Variants in CNTNAP5 observed in about 807,000 individuals in gnomAD.
The protein encoded by CNTNAP5 is contactin-associated protein-like 5.
CNTNAP5 carries 72 observed loss-of-function variants against 150.2 expected under a neutral mutation model. The ratio of observed to expected loss-of-function variants is 0.48; its 90% CI spans 0.40 to 0.58. The LOEUF is 0.58. CNTNAP5 is among the 20% of genes least tolerant of loss of function. CNTNAP5 has a pLI of 0.00. For synonymous variants in CNTNAP5, 672 were observed against 619.8 expected, an observed-to-expected ratio of 1.08 and a Z score of -1.25; for missense variants, 1,636 against 1,626.2, an observed-to-expected ratio of 1.01 and a Z score of -0.10.
At chr2:124,827,083 C>T (rs1682611464) in intron 19 of CNTNAP5, among the ~76,000 whole-genome samples, 1 of 152,020 alleles carries the variant, frequency 6.6e-6, no homozygotes, top group South Asian at 2.1e-4. Context: ...ACCACACCCA[C>T]CTAATATTTT....
chr2:124,891,466 C>T (rs925194836), intron 21 of CNTNAP5, among the ~76,000 whole-genome samples: 1 of 152,028 alleles, frequency 6.6e-6, no homozygotes, highest in Non-Finnish European at 1.5e-5. Context: ...GGCGTGATGA[C>T]GATGATGATT....
chr2:124,470,267 C>T (rs957424551), intron 6 of CNTNAP5, among the ~76,000 whole-genome samples: 12 of 152,152 alleles, frequency 7.9e-5, no homozygotes, highest in African/African-American at 2.9e-4. Flanking sequence ...GCCATTCTGA[C>T]TGGTGTGAGA....
chr2:124,462,601 G>T lies in CNTNAP5; in HGVS notation c.919-12138G>T, dbSNP rs1693279697. ...GGGATGCTAGTAGGTTTTAATTAGT[G>T]TGCTACTTCTAGTGGAAGTGGCCAA... On this transcript the variant is annotated intron_variant, in intron 6 of 23. Coordinates refer to ENST00000682447, the MANE Select transcript of CNTNAP5 (RefSeq NM_001367498.1). Among the ~76,000 whole-genome samples the T allele has an allele frequency of 2.6e-5, 4 of 152,262 alleles. No homozygotes were observed. In the South Asian group the frequency reaches 8.3e-4, roughly 32 times the overall value.
At chr2:124,163,469 G>C (rs762288353) in intron 1 of CNTNAP5, among the ~76,000 whole-genome samples, 7 of 152,138 alleles carry the variant, frequency 4.6e-5, no homozygotes, top group African/African-American at 1.4e-4. Context: ...GAGGAGTCAG[G>C]CATGGGGGTG....
chr2:124,767,722 G>A (rs1341202880), intron 16 of CNTNAP5, among the ~76,000 whole-genome samples: 1 of 152,178 alleles, frequency 6.6e-6, no homozygotes, highest in Non-Finnish European at 1.5e-5. Context: ...CACAAGAATG[G>A]GAATTCACTG....
intron 13 of CNTNAP5, among the ~76,000 whole-genome samples, chr2:124,666,437 T>C (rs1407946791): frequency 6.6e-6 from 1 of 152,162 alleles, no homozygotes; most frequent in Non-Finnish European, 1.5e-5. Flanking sequence ...GTCTTATTTA[T>C]TAGTATCTTA....
At chr2:124,343,675 A>G (rs1689670653) in intron 3 of CNTNAP5, among the ~76,000 whole-genome samples, 1 of 152,208 alleles carries the variant, frequency 6.6e-6, no homozygotes, top group South Asian at 2.1e-4. Context: ...TAAGTAATCA[A>G]AAGACCTAAC....
chr2:124,519,367 C>G (rs1694803665), intron 8 of CNTNAP5, among the ~76,000 whole-genome samples: 1 of 151,900 alleles, frequency 6.6e-6, no homozygotes, highest in African/African-American at 2.4e-5. Context: ...AATCTGTTAC[C>G]AAAAAATAAT....
chr2:124,897,676 T>C (rs1678333598), intron 21 of CNTNAP5, among the ~76,000 whole-genome samples: 1 of 151,294 alleles, frequency 6.6e-6, no homozygotes, highest in Non-Finnish European at 1.5e-5. Flanking sequence ...AATCCATACC[T>C]ACAGAAAAGT....
chr2:124,380,842 A>T (rs1033388889), intron 3 of CNTNAP5, among the ~76,000 whole-genome samples: 1 of 152,206 alleles, frequency 6.6e-6, no homozygotes, highest in African/African-American at 2.4e-5. Flanking sequence ...GTTCCACTGG[A>T]AAGAAAACAA....
In CNTNAP5 at chr2:124,504,307, T is replaced by C; in HGVS notation, c.1078T>C (p.Ser360Pro). Residue 360 changes from serine to proline, a missense_variant, in exon 8 of 24, where the codon TCC (serine) becomes CCC (proline). Transcript: ENST00000682447. ...QIYTVGNVTF[S>P]CSEPQIVPIT... is the part of the protein sequence containing the mutation. ...TGTTTTCCAGGGCAATGTCACTTTTTCCTGCTCCGAACCACAGATTGTGCC... is the reference window on the plus strand; with the variant it reads ...TGTTTTCCAGGGCAATGTCACTTTTCCCTGCTCCGAACCACAGATTGTGCC... The C allele has an allele frequency of 6.2e-7, 1 of 1,612,742 alleles. No individual in the cohort carries two copies.
intron 1 of CNTNAP5, among the ~76,000 whole-genome samples, chr2:124,097,317 C>T (rs184978166): frequency 3.2e-4 from 49 of 152,292 alleles, no homozygotes; most frequent in African/African-American, 1.1e-3. Context: ...AGCACTGTCA[C>T]ACTATCCTAC....
At chr2:124,195,722 G>A (rs1356611545) in intron 1 of CNTNAP5, among the ~76,000 whole-genome samples, 1 of 152,128 alleles carries the variant, frequency 6.6e-6, no homozygotes, top group Non-Finnish European at 1.5e-5. Context: ...GGAATGGAGT[G>A]ATCAAACAGA....
chr2:124,096,852 C>T (rs1264960322), intron 1 of CNTNAP5, among the ~76,000 whole-genome samples: 1 of 151,950 alleles, frequency 6.6e-6, no homozygotes, highest in South Asian at 2.1e-4. Context: ...TACAGGAGCA[C>T]ACCACCATGC....
chr2:124,052,740 C>A (rs1394524374), intron 1 of CNTNAP5, among the ~76,000 whole-genome samples: 1 of 152,170 alleles, frequency 6.6e-6, no homozygotes, highest in Admixed American at 6.5e-5. Context: ...AAATAAGAAC[C>A]TAAGTAGCCT....
chr2:124,606,108 A>G (rs2104979625), intron 11 of CNTNAP5, among the ~76,000 whole-genome samples: 1 of 152,276 alleles, frequency 6.6e-6, no homozygotes. Flanking sequence ...ATGAGAAAAT[A>G]TGACAATTTT....
intron 1 of CNTNAP5, among the ~76,000 whole-genome samples, chr2:124,075,382 GT>G (rs935271188): frequency 2.0e-5 from 3 of 152,082 alleles, no homozygotes; most frequent in African/African-American, 7.2e-5. Context: ...TTCATGTGAA[GT>G]TTTTTGCCAT....
At chr2:124,870,617 ACT>A (rs67823703) in intron 21 of CNTNAP5, among the ~76,000 whole-genome samples, 1 of 151,608 alleles carries the variant, frequency 6.6e-6, no homozygotes, top group Admixed American at 6.6e-5. Flanking sequence ...ATTCTTTCTG[ACT>A]CTCTCTCTAT....
intron 3 of CNTNAP5, among the ~76,000 whole-genome samples, chr2:124,273,713 C>A (rs910023427): frequency 6.6e-6 from 1 of 152,194 alleles, no homozygotes; most frequent in African/African-American, 2.4e-5. Context: ...GTCTCCCCAA[C>A]AAAGTCCAGA....
Sources: allele counts gnomAD v4.1 joint callset (sites outside exome capture counted in the v4.1 genomes callset), GRCh38; gene constraint gnomAD v4.1.1; transcripts MANE v1.5; gene names NCBI Gene and HGNC (gene_info 2026-07-23, HGNC 2026-07-21).